ZNF385D: variants seen among roughly 807,000 people sequenced by gnomAD.
ZNF385D encodes the protein zinc finger protein 385D.
A neutral mutation model predicts 35.8 loss-of-function variants in ZNF385D; 15 were observed. The ratio of observed to expected loss-of-function variants is 0.42; its 90% CI spans 0.28 to 0.64. The LOEUF (loss-of-function observed/expected upper bound fraction) is 0.64, where lower values mean the gene tolerates loss of function less well. Ranked by LOEUF, ZNF385D falls within the 30% of genes least tolerant of loss-of-function variation. The pLI is 0.23. For synonymous variants in ZNF385D, 212 were observed against 186.8 expected (o/e 1.13, Z -1.10); for missense variants, 474 against 494.6 (o/e 0.96, Z 0.39).
intron 3 of ZNF385D, among the ~76,000 whole-genome samples, chr3:21,964,964 C>T (rs551118449): frequency 6.6e-6 from 1 of 152,194 alleles, no homozygotes; most frequent in South Asian, 2.1e-4. Flanking sequence ...GATAAAAATA[C>T]GTTAGCACTT....
intron 6 of ZNF385D, among the ~76,000 whole-genome samples, chr3:21,424,319 T>A (rs867912893): frequency 0.039 from 1,089 of 28,078 alleles, 33 homozygotes; most frequent in African/African-American, 0.12. Flanking sequence ...ATATATATAT[T>A]TTTTTTTTTT....
chr3:21,495,927 C>A (rs1705805155), intron 4 of ZNF385D, among the ~76,000 whole-genome samples: 1 of 152,058 alleles, frequency 6.6e-6, no homozygotes, highest in South Asian at 2.1e-4. Context: ...TACGTTTATG[C>A]ACACAAGCTA....
intron 2 of ZNF385D, among the ~76,000 whole-genome samples, chr3:22,363,617 G>C (rs894724049): frequency 6.6e-6 from 1 of 152,098 alleles, no homozygotes; most frequent in Non-Finnish European, 1.5e-5. Context: ...TGGAAAAATA[G>C]TATTCTGATT....
intron 3 of ZNF385D, among the ~76,000 whole-genome samples, chr3:21,825,278 T>C (rs1342269355): frequency 1.3e-5 from 2 of 152,188 alleles, no homozygotes; most frequent in Non-Finnish European, 2.9e-5. Context: ...GAAGCTTGCA[T>C]CTAACTCATG....
At chr3:22,163,661 A>G (rs1014058500) in intron 3 of ZNF385D, among the ~76,000 whole-genome samples, 2 of 152,178 alleles carry the variant, frequency 1.3e-5, no homozygotes, top group African/African-American at 2.4e-5. Flanking sequence ...TTAATCCCAT[A>G]TGCATTATTT....
At chr3:21,503,644 C>A (rs1211383629) in intron 4 of ZNF385D, among the ~76,000 whole-genome samples, 1 of 152,084 alleles carries the variant, frequency 6.6e-6, no homozygotes, top group East Asian at 1.9e-4. Flanking sequence ...GGGTAATGTG[C>A]AGGAAATAAA....
At chr3:21,629,648 C>A (rs2065227050) in intron 2 of ZNF385D, among the ~76,000 whole-genome samples, 1 of 152,044 alleles carries the variant, frequency 6.6e-6, no homozygotes, top group Non-Finnish European at 1.5e-5. Flanking sequence ...GGAAAGGTGG[C>A]CTCAAATTCC....
intron 3 of ZNF385D, among the ~76,000 whole-genome samples, chr3:21,862,719 G>A (rs191378181): frequency 1.3e-5 from 2 of 152,302 alleles, no homozygotes; most frequent in Non-Finnish European, 2.9e-5. Flanking sequence ...GCAGCTAGCT[G>A]TGCCTCCCCA....
At chr3:22,174,275 T>A (rs947208231) in intron 2 of ZNF385D, among the ~76,000 whole-genome samples, 6 of 152,298 alleles carry the variant, frequency 3.9e-5, no homozygotes, top group African/African-American at 1.4e-4. Flanking sequence ...CATCGTTTTG[T>A]CTATGATTGC....
chr3:21,805,299 G>T (rs1039634049), intron 3 of ZNF385D, among the ~76,000 whole-genome samples: 2 of 149,832 alleles, frequency 1.3e-5, no homozygotes, highest in Non-Finnish European at 3.0e-5. Context: ...TAGATTTCTT[G>T]TAAATGTGGG....
intron 3 of ZNF385D, among the ~76,000 whole-genome samples, chr3:21,563,483 C>G (rs188046195): frequency 9.2e-5 from 14 of 152,192 alleles, no homozygotes; most frequent in African/African-American, 3.4e-4. Context: ...GTTCTTAAGA[C>G]GAAAGCAAAA....
intron 2 of ZNF385D, among the ~76,000 whole-genome samples, chr3:22,245,478 CAAAAAAAA>C (rs10576851): frequency 8.0e-6 from 1 of 124,372 alleles, no homozygotes; most frequent in Non-Finnish European, 1.8e-5. Context: ...CAGGATAAGC[CAAAAAAAA>C]AAAAAAAAAA....
chr3:21,694,042 C>CTATTTTTTTTTTTTTTT lies in ZNF385D; in HGVS notation c.23-29015_23-29014insAAAAAAAAAAAAAAATA, dbSNP rs2067379702. Reference sequence around the variant, plus strand: ...TACAGGCGCGTGCCACTACGCCTGGCTTTTTTTTTTTTTTTTTTTGAGACA... The same window carrying CTATTTTTTTTTTTTTTT: ...TACAGGCGCGTGCCACTACGCCTGGCTATTTTTTTTTTTTTTTTTTTTTTTTTTTTTTTTTTGAGACA... On this transcript the variant is annotated intron_variant, in intron 1 of 7. Transcript: ENST00000281523. 1.5e-3 allele frequency among the ~76,000 whole-genome samples: 34 copies of CTATTTTTTTTTTTTTTT among 22,170 alleles called. 4 individuals are homozygous for CTATTTTTTTTTTTTTTT. The highest frequency in any genetic ancestry group is 7.1e-3 in the African/African-American group (34 of 4,756). 14.5% of individuals were successfully genotyped at this position (22,170 alleles called of 152,430 possible).
chr3:21,853,554 A>T (rs1262776297), intron 3 of ZNF385D, among the ~76,000 whole-genome samples: 1 of 150,796 alleles, frequency 6.6e-6, no homozygotes, highest in African/African-American at 2.4e-5. Flanking sequence ...TCATATCATA[A>T]ATGCCTCAGT....
chr3:21,967,715 A>G (rs1279492841), intron 3 of ZNF385D, among the ~76,000 whole-genome samples: 1 of 152,218 alleles, frequency 6.6e-6, no homozygotes, highest in Non-Finnish European at 1.5e-5. Flanking sequence ...GGAAACAACA[A>G]TTAGAGTTCT....
At chr3:22,206,146 A>G (rs970539830) in intron 2 of ZNF385D, among the ~76,000 whole-genome samples, 7 of 152,072 alleles carry the variant, frequency 4.6e-5, no homozygotes, top group South Asian at 2.1e-4. Flanking sequence ...ACATCAGACA[A>G]AATAGATATC....
chr3:21,774,835 G>C (rs2071221696), intron 3 of ZNF385D, among the ~76,000 whole-genome samples: 1 of 151,858 alleles, frequency 6.6e-6, no homozygotes, highest in Non-Finnish European at 1.5e-5. Flanking sequence ...ATTTGGATAT[G>C]ATGTTTATAA....
intron 2 of ZNF385D, among the ~76,000 whole-genome samples, chr3:22,323,212 A>G (rs1274353177): frequency 2.0e-5 from 3 of 152,166 alleles, no homozygotes; most frequent in African/African-American, 4.8e-5. Flanking sequence ...TTCCACACTC[A>G]GGGCCACAAG....
At chr3:22,241,231 A>G (rs2125313969) in intron 2 of ZNF385D, among the ~76,000 whole-genome samples, 1 of 151,334 alleles carries the variant, frequency 6.6e-6, no homozygotes, top group Non-Finnish European at 1.5e-5. Context: ...AAAACCAAGC[A>G]CAACACTGAA....
Sources: gnomAD v4.1 joint callset for allele counts (sites outside exome capture counted in the v4.1 genomes callset) on GRCh38, gnomAD v4.1.1 for gene constraint, MANE v1.5 for transcripts, NCBI Gene and HGNC (gene_info 2026-07-23, HGNC 2026-07-21) for gene names.